The following POLN variants were observed in gnomAD, a reference collection of about 807,000 sequenced individuals.
The protein encoded by POLN is DNA polymerase nu.
POLN carries 108 observed loss-of-function variants against 113.5 expected under a neutral mutation model. The ratio of observed to expected loss-of-function variants is 0.95; its 90% CI spans 0.81 to 1.12. The LOEUF (loss-of-function observed/expected upper bound fraction) is 1.12. Ranked by LOEUF, POLN falls within the 50% of genes most tolerant of loss-of-function variation. POLN has a pLI of 0.00. For missense variants in POLN, 1,097 were observed against 1,077.1 expected (o/e 1.02, Z -0.26); for synonymous variants, 386 against 391.5 (o/e 0.99, Z 0.17).
chr4:2,122,542 T>C (rs895193654), intron 19 of POLN, among the ~76,000 whole-genome samples: 3 of 152,082 alleles, frequency 2.0e-5, no homozygotes, highest in Non-Finnish European at 4.4e-5. Flanking sequence ...GAGATACCAC[T>C]TCACACTCAC....
At chr4:2,118,828 G>C (rs1731376458) in intron 19 of POLN, among the ~76,000 whole-genome samples, 1 of 152,204 alleles carries the variant, frequency 6.6e-6, no homozygotes, top group Non-Finnish European at 1.5e-5. Context: ...TCCATCACAG[G>C]TTGGTCCACC....
intron 3 of POLN, among the ~76,000 whole-genome samples, chr4:2,219,694 TGA>T (rs1436008754): frequency 2.0e-5 from 3 of 152,202 alleles, no homozygotes; most frequent in Non-Finnish European, 4.4e-5. Context: ...TGTTACCTGC[TGA>T]GTTTCCCAGC....
intron 24 of POLN, among the ~76,000 whole-genome samples, chr4:2,073,331 G>GC (rs1297651656): frequency 6.6e-6 from 1 of 152,148 alleles, no homozygotes; most frequent in Non-Finnish European, 1.5e-5. Flanking sequence ...CACTGCACTG[G>GC]CCCTCACCCC....
intron 19 of POLN, among the ~76,000 whole-genome samples, chr4:2,104,216 A>T (rs1026396725): frequency 1.3e-5 from 2 of 152,356 alleles, no homozygotes; most frequent in South Asian, 4.1e-4. Context: ...ATTAACCTTA[A>T]AGGTAAATGG....
At chr4:2,171,266 C>A (rs1732853929) in intron 11 of POLN, 85 bp from the exon 12 acceptor site, 5 of 1,291,548 alleles carry the variant, frequency 3.9e-6, no homozygotes, top group Non-Finnish European at 5.5e-6. Context: ...CAATTCTCAA[C>A]AGCGAGATGG....
chr4:2,113,381 T>TATA lies in POLN; in HGVS notation c.1982+14729_1982+14731dup, dbSNP rs555352060. On this transcript the variant is annotated intron_variant, in intron 19 of 25. Transcript: ENST00000511885. ...TGCACATGTACCCTAAAACTTAAAG[T>TATA]ATAATAATAATAATAATAAAAGATA... 4.7e-4 allele frequency among the ~76,000 whole-genome samples: 71 copies of TATA among 151,276 alleles called. 1 individual carries two copies. The highest frequency in any genetic ancestry group is 1.4e-3 in the East Asian group (7 of 5,172).
At chr4:2,218,092 G>C in intron 3 of POLN, among the ~76,000 whole-genome samples, 1 of 152,056 alleles carries the variant, frequency 6.6e-6, no homozygotes, top group East Asian at 1.9e-4. Flanking sequence ...TTTGAGGCCA[G>C]CCTGAGCAAC....
chr4:2,164,500 TC>T (rs1732678152), intron 13 of POLN, among the ~76,000 whole-genome samples: 3 of 80,844 alleles, frequency 3.7e-5, no homozygotes, highest in Non-Finnish European at 6.6e-5. Context: ...AAACTCTGTC[TC>T]AAAAAAAAAA....
At chr4:2,161,441 C>T (rs1263141285) in intron 13 of POLN, among the ~76,000 whole-genome samples, 1 of 152,204 alleles carries the variant, frequency 6.6e-6, no homozygotes, top group East Asian at 1.9e-4. Flanking sequence ...TGTACTGGGT[C>T]CCCCAGCAGT....
intron 13 of POLN, among the ~76,000 whole-genome samples, chr4:2,170,467 A>G (rs1732832071): frequency 6.6e-6 from 1 of 152,230 alleles, no homozygotes; most frequent in South Asian, 2.1e-4. Context: ...AGTCAAGCCA[A>G]TTAACTGCTT....
At chr4:2,171,364 G>A (rs1231417722) in intron 11 of POLN, among the ~76,000 whole-genome samples, 183 bp from the exon 12 acceptor site, 1 of 148,474 alleles carries the variant, frequency 6.7e-6, no homozygotes, top group Admixed American at 6.8e-5. Flanking sequence ...ACCAGCCTGG[G>A]CAACATAGTG....
Position 2,075,340 on chromosome 4 carries a change from G to A in POLN, c.2455+112C>T. ...CACAGCAGCAATGAGGTGGGGCAGG[G>A]GCCATAAAAGGGAAGACAGCTGAGG... On this transcript the variant is annotated intron_variant, in intron 24 of 25. Transcript: ENST00000511885. The A allele has an allele frequency of 7.1e-6, 8 of 1,128,846 alleles. 1 individual carries two copies. The South Asian group carries it at 1.0e-4, about 14-fold the overall frequency. The allele number at this position is 1,128,846 out of a possible 1,614,324, so 69.9% of individuals were successfully genotyped here. A position where few individuals can be genotyped will look rare whatever the true frequency, so the allele number is the denominator to read the frequency against.
chr4:2,155,098 G>C, intron 16 of POLN, among the ~76,000 whole-genome samples: 1 of 152,132 alleles, frequency 6.6e-6, no homozygotes, highest in East Asian at 1.9e-4. Context: ...AAAAACAAAA[G>C]CAAGGACCTC....
chr4:2,144,023 C>T (rs56262458), intron 16 of POLN, among the ~76,000 whole-genome samples: 12,777 of 151,570 alleles, frequency 0.084, 851 homozygotes, highest in African/African-American at 0.17. Context: ...ATATTGTCTT[C>T]AAAATATCAT....
Position 2,103,425 on chromosome 4 carries a change from A to G in POLN, c.1983-7492T>C, listed in dbSNP as rs188666968. ...AAGAAAAATTAAAGAAAAAAGAATA[A>G]AAAGAATGAACAAAGCCTTTGAGAT... is the stretch of plus-strand genomic sequence containing the variant. On this transcript the variant is annotated intron_variant, in intron 19 of 25. Coordinates refer to ENST00000511885, the MANE Select transcript of POLN (RefSeq NM_181808.4). Among the ~76,000 whole-genome samples the G allele has an allele frequency of 2.7e-3, 408 of 152,270 alleles. 4 individuals carry two copies. Among genetic ancestry groups the G allele is most frequent in the African/African-American group, 9.4e-3 (392 of 41,560 alleles).
intron 3 of POLN, chr4:2,227,408 G>C (rs1386168727): frequency 1.3e-5 from 2 of 152,180 alleles, no homozygotes; most frequent in Non-Finnish European, 2.9e-5. Flanking sequence ...CCTTGCAGAG[G>C]ACCTAGCAGA....
intron 8 of POLN, among the ~76,000 whole-genome samples, chr4:2,177,564 TG>T (rs1195659213): frequency 6.6e-6 from 1 of 152,258 alleles, no homozygotes; most frequent in Non-Finnish European, 1.5e-5. Flanking sequence ...CATCTGAGGC[TG>T]CCTCTTTTCT....
chr4:2,108,745 A>C (rs1731126624), intron 19 of POLN, among the ~76,000 whole-genome samples: 2 of 152,066 alleles, frequency 1.3e-5, no homozygotes, highest in African/African-American at 4.8e-5. Flanking sequence ...ACTTGGCTGC[A>C]GCTAACCAGA....
At chr4:2,227,190 C>CT (rs1323677994) in intron 3 of POLN, among the ~76,000 whole-genome samples, 1 of 152,188 alleles carries the variant, frequency 6.6e-6, no homozygotes, top group Admixed American at 6.5e-5. Flanking sequence ...GGAAAGTGAG[C>CT]TGCCATATTG....
Sources: allele counts gnomAD v4.1 joint callset (sites outside exome capture counted in the v4.1 genomes callset), GRCh38; gene constraint gnomAD v4.1.1; transcripts MANE v1.5; gene names NCBI Gene and HGNC (gene_info 2026-07-23, HGNC 2026-07-21).